AUTS2: variants seen among roughly 807,000 people sequenced by gnomAD.
The protein encoded by AUTS2 is activator of transcription and developmental regulator AUTS2.
In AUTS2, 17 loss-of-function variants were observed where a neutral mutation model predicts 112.4. The observed-to-expected ratio is 0.15, with a 90% CI of 0.10 to 0.23. The LOEUF is 0.23. AUTS2 is among the 10% of genes least tolerant of loss of function. The pLI is 1.00. For synonymous variants in AUTS2, 751 were observed against 702.7 expected (o/e 1.07, Z -1.09); for missense variants, 1,510 against 1,701.6 (o/e 0.89, Z 1.98).
intron 1 of AUTS2, among the ~76,000 whole-genome samples, chr7:69,897,585 CAAA>C (rs1372464590): frequency 1.0e-5 from 1 of 96,742 alleles, no homozygotes; most frequent in Non-Finnish European, 2.2e-5. Context: ...ACTAAAAATA[CAAA>C]AAAAAAAAAA....
chr7:69,863,621 GC>G (rs1185127852), intron 1 of AUTS2, among the ~76,000 whole-genome samples: 2 of 152,154 alleles, frequency 1.3e-5, no homozygotes, highest in African/African-American at 4.8e-5. Flanking sequence ...CAGAAACCAT[GC>G]CCCCAGTAAT....
intron 1 of AUTS2, among the ~76,000 whole-genome samples, chr7:69,730,643 A>AT (rs1289612071): frequency 4.6e-5 from 7 of 152,166 alleles, no homozygotes; most frequent in Non-Finnish European, 1.0e-4. Context: ...TGTACAGAGA[A>AT]TTTTTTTAAT....
intron 4 of AUTS2, among the ~76,000 whole-genome samples, chr7:70,303,473 CAG>C (rs1554361466): frequency 1.3e-5 from 2 of 151,378 alleles, no homozygotes; most frequent in African/African-American, 4.9e-5. Context: ...CACACACACA[CAG>C]TGCTGCTGCA....
At chr7:70,420,058 G>A (rs894169869) in intron 4 of AUTS2, among the ~76,000 whole-genome samples, 4 of 152,124 alleles carry the variant, frequency 2.6e-5, no homozygotes, top group Non-Finnish European at 5.9e-5. Flanking sequence ...GCTATGAGGC[G>A]GCTACTAAGT....
intron 1 of AUTS2, among the ~76,000 whole-genome samples, chr7:69,838,719 A>G (rs1360513164): frequency 6.6e-6 from 1 of 152,338 alleles, no homozygotes; most frequent in Admixed American, 6.5e-5. Context: ...TAGCACAACC[A>G]AATAAAAAAA....
At chr7:70,419,662 T>C (rs550303634) in intron 4 of AUTS2, among the ~76,000 whole-genome samples, 13 of 152,358 alleles carry the variant, frequency 8.5e-5, no homozygotes, top group Admixed American at 8.5e-4. Flanking sequence ...ATGAAGGCTC[T>C]TGATGCATGC....
intron 2 of AUTS2, among the ~76,000 whole-genome samples, chr7:70,052,077 G>A (rs1801779826): frequency 6.6e-6 from 1 of 152,272 alleles, no homozygotes; most frequent in East Asian, 1.9e-4. Flanking sequence ...GAAATGGAAC[G>A]GAGAAGATAC....
At chr7:70,154,023 C>T (rs1391303002) in intron 4 of AUTS2, among the ~76,000 whole-genome samples, 1 of 152,202 alleles carries the variant, frequency 6.6e-6, no homozygotes, top group African/African-American at 2.4e-5. Flanking sequence ...ACAGATATAG[C>T]AGTCTTTCTC....
chr7:70,726,052 G>A (rs1314237857), intron 6 of AUTS2, among the ~76,000 whole-genome samples: 1 of 151,866 alleles, frequency 6.6e-6, no homozygotes, highest in Non-Finnish European at 1.5e-5. Flanking sequence ...TGGGAGAAGG[G>A]AAGGCTAGAG....
At chr7:70,368,896 A>G (rs1358297473) in intron 4 of AUTS2, among the ~76,000 whole-genome samples, 1 of 152,156 alleles carries the variant, frequency 6.6e-6, no homozygotes, top group Non-Finnish European at 1.5e-5. Flanking sequence ...AGAGTGGTAA[A>G]TGTTTGGAAC....
At chr7:70,762,073 G>A (rs1165047003) in intron 6 of AUTS2, among the ~76,000 whole-genome samples, 1 of 152,128 alleles carries the variant, frequency 6.6e-6, no homozygotes, top group Non-Finnish European at 1.5e-5. Context: ...TGTCCCTTTG[G>A]TCAAAATGGA....
intron 4 of AUTS2, among the ~76,000 whole-genome samples, chr7:70,149,160 G>T (rs1807292862): frequency 6.6e-6 from 1 of 152,024 alleles, no homozygotes; most frequent in African/African-American, 2.4e-5. Flanking sequence ...AGTTTGAAAT[G>T]AATCAGCAAG....
At chr7:70,489,070 A>G (rs542850125) in intron 5 of AUTS2, among the ~76,000 whole-genome samples, 1 of 152,322 alleles carries the variant, frequency 6.6e-6, no homozygotes, top group South Asian at 2.1e-4. Flanking sequence ...GATCCCACCT[A>G]CTTTGAAAAT....
At chr7:70,743,230 G>A (rs1585610508) in intron 6 of AUTS2, among the ~76,000 whole-genome samples, 1 of 152,128 alleles carries the variant, frequency 6.6e-6, no homozygotes, top group East Asian at 1.9e-4. Flanking sequence ...CACTTTGGGA[G>A]GCTGAGGTGG....
chr7:70,004,860 C>T (rs1309208734), intron 2 of AUTS2, among the ~76,000 whole-genome samples: 4 of 151,668 alleles, frequency 2.6e-5, no homozygotes, highest in African/African-American at 7.3e-5. Flanking sequence ...GTTTCGCTCT[C>T]GTTGCCCAGG....
At position 70,786,049 on chromosome 7, in the gene AUTS2, C is replaced by G. The variant is rs1437562310; in HGVS notation, c.2308+11C>G. On this transcript the variant is annotated intron_variant, in intron 17 of 18. Coordinates refer to ENST00000342771, the MANE Select transcript of AUTS2 (RefSeq NM_015570.4). ...GAAATCCTTCCGTTAGTGAGTACCTCTAACTTTTAAAAATCTGCCTTGGAC... is the reference window on the plus strand; with the variant it reads ...GAAATCCTTCCGTTAGTGAGTACCTGTAACTTTTAAAAATCTGCCTTGGAC... The G allele has an allele frequency of 6.2e-7, 1 of 1,611,738 alleles. No homozygotes were observed. The highest frequency in any genetic ancestry group is 1.3e-5 in the African/African-American group (1 of 74,856).
intron 18 of AUTS2, among the ~76,000 whole-genome samples, chr7:70,787,968 G>A (rs959412729): frequency 3.3e-5 from 5 of 151,940 alleles, no homozygotes; most frequent in East Asian, 1.9e-4. Context: ...GAGAAACGTC[G>A]ACAAGCAGTT....
chr7:70,090,046 T>TA (rs1460843628), intron 2 of AUTS2, among the ~76,000 whole-genome samples: 1 of 134,618 alleles, frequency 7.4e-6, no homozygotes, highest in Admixed American at 7.3e-5. Flanking sequence ...ATAAATAAAT[T>TA]TAAAAATAAT....
rs140365671 is a variant in AUTS2, at chr7:70,612,404, G to A, written c.691-86165G>A. On this transcript the variant is annotated intron_variant, in intron 5 of 18. Coordinates refer to ENST00000342771, the MANE Select transcript of AUTS2 (RefSeq NM_015570.4). ...GCTCAAACCTCTGGTCCAGGAAGAG[G>A]CAGAGTCAACCTTTTTTCCCAGCAG... Among the ~76,000 whole-genome samples the A allele has an allele frequency of 4.1e-4, 63 of 152,258 alleles. 2 individuals carry two copies. In the East Asian group the frequency reaches 6.8e-3, roughly 16 times the overall value.
Sources: gnomAD v4.1 joint callset for allele counts (sites outside exome capture counted in the v4.1 genomes callset) on GRCh38, gnomAD v4.1.1 for gene constraint, MANE v1.5 for transcripts, NCBI Gene and HGNC (gene_info 2026-07-23, HGNC 2026-07-21) for gene names.